MEIOB: variants seen among roughly 807,000 people sequenced by gnomAD.
The protein encoded by MEIOB is meiosis-specific with OB domain-containing protein.
A neutral mutation model predicts 53.1 loss-of-function variants in MEIOB; 50 were observed. The ratio of observed to expected loss-of-function variants is 0.94; its 90% CI spans 0.75 to 1.19. The LOEUF is 1.19. MEIOB is among the 50% of genes most tolerant of loss of function. The pLI is 0.00. For missense variants in MEIOB, 551 were observed against 550.8 expected, an observed-to-expected ratio of 1.00 and a Z score of 0.00; for synonymous variants, 192 against 182.5, an observed-to-expected ratio of 1.05 and a Z score of -0.42.
chr16:1,845,459 G>C (rs1054592875), intron 9 of MEIOB, among the ~76,000 whole-genome samples: 42 of 152,070 alleles, frequency 2.8e-4, no homozygotes, highest in African/African-American at 1.0e-3. Context: ...GGTGGAGCTT[G>C]CAGTAAACTG....
intron 2 of MEIOB, among the ~76,000 whole-genome samples, chr16:1,866,412 T>A (rs1236838235): frequency 6.6e-6 from 1 of 152,144 alleles, no homozygotes; most frequent in Admixed American, 6.6e-5. Flanking sequence ...AAGAAAAATT[T>A]TAAATGTGTT....
chr16:1,849,236 T>C (rs1226156192), intron 9 of MEIOB, among the ~76,000 whole-genome samples: 1 of 151,580 alleles, frequency 6.6e-6, no homozygotes, highest in Admixed American at 6.6e-5. Context: ...CTGGCCAACA[T>C]GGTGAAACCC....
At chr16:1,870,988 T>C (rs2982232) in intron 1 of MEIOB, among the ~76,000 whole-genome samples, 125,286 of 151,838 alleles carry the variant, frequency 0.83, 51,818 homozygotes, top group Middle Eastern at 0.9. Context: ...TTTTACCCCT[T>C]AGCATCTCTT....
At chr16:1,840,551 T>A (rs1042417389) in intron 11 of MEIOB, among the ~76,000 whole-genome samples, 20 of 143,042 alleles carry the variant, frequency 1.4e-4, no homozygotes, top group East Asian at 6.1e-4. Context: ...ATTATTATTT[T>A]TTTTTTTTTT....
At chr16:1,847,687 C>T (rs1899061766) in intron 9 of MEIOB, among the ~76,000 whole-genome samples, 1 of 151,948 alleles carries the variant, frequency 6.6e-6, no homozygotes, top group Non-Finnish European at 1.5e-5. Context: ...TTTAATATGA[C>T]CTACTGATCA....
chr16:1,838,032 T>A (rs751059643), intron 12 of MEIOB, 162 bp from the exon 13 acceptor site: 6 of 1,364,670 alleles, frequency 4.4e-6, no homozygotes. Flanking sequence ...GGTCTCACTC[T>A]GTCGCCCAAG....
At chr16:1,864,785 C>CA (rs375690095) in intron 3 of MEIOB, among the ~76,000 whole-genome samples, 1 of 151,688 alleles carries the variant, frequency 6.6e-6, no homozygotes, top group Non-Finnish European at 1.5e-5. Flanking sequence ...CTGTGCCTGG[C>CA]AAAAAACCGT....
At position 1,863,652 on chromosome 16, in the gene MEIOB, G is replaced by A. The variant is rs531148063; in HGVS notation, c.128-1536C>T. ...GCCTGCCTCAGCCTCCCAAAGTGCT[G>A]GCATGAGCCACCGTGCCTGATGAGA... On this transcript the variant is annotated intron_variant, in intron 3 of 13. Coordinates refer to ENST00000325962, the MANE Select transcript of MEIOB (RefSeq NM_001163560.3). Among the ~76,000 whole-genome samples the A allele has an allele frequency of 8.6e-5, 13 of 151,850 alleles. No homozygotes were observed. In the South Asian group the frequency reaches 2.7e-3, roughly 32 times the overall value.
At chr16:1,869,742 C>T (rs75902211) in intron 1 of MEIOB, among the ~76,000 whole-genome samples, 12,952 of 151,634 alleles carry the variant, frequency 0.085, 693 homozygotes, top group South Asian at 0.21. Flanking sequence ...TGAGCCACCA[C>T]GCCCGGCCTC....
intron 3 of MEIOB, among the ~76,000 whole-genome samples, chr16:1,864,513 A>G (rs2150823726): frequency 7.4e-6 from 1 of 134,762 alleles, no homozygotes; most frequent in African/African-American, 2.8e-5. Context: ...TTTGAGACAG[A>G]GTTTCACTCT....
At position 1,841,974 on chromosome 16, in the gene MEIOB, C is replaced by T. The variant is rs1328762786; in HGVS notation, c.881-1G>A. On this transcript the variant is annotated splice_acceptor_variant, in intron 10 of 13. Coordinates refer to ENST00000325962, the MANE Select transcript of MEIOB (RefSeq NM_001163560.3). LOFTEE classifies it high-confidence loss of function. Reference sequence around the variant, plus strand: ...GTGTAGACATCAACTATTGTACTTACTAAAAACAGAAAGAAGTATTACAGT... The same window carrying T: ...GTGTAGACATCAACTATTGTACTTATTAAAAACAGAAAGAAGTATTACAGT... 3 of 1,542,110 alleles carry T rather than the reference C, an allele frequency of 1.9e-6. No homozygotes were observed. The highest frequency in any genetic ancestry group is 1.4e-5 in the African/African-American group (1 of 72,304).
At chr16:1,855,357 G>A (rs550290867) in intron 6 of MEIOB, among the ~76,000 whole-genome samples, 23 of 152,182 alleles carry the variant, frequency 1.5e-4, no homozygotes, top group African/African-American at 3.1e-4. Flanking sequence ...GCTTGAACCC[G>A]GGAGGTGGAG....
At chr16:1,850,073 C>CT (rs1266343898) in intron 9 of MEIOB, among the ~76,000 whole-genome samples, 1 of 152,118 alleles carries the variant, frequency 6.6e-6, no homozygotes, top group African/African-American at 2.4e-5. Context: ...GCTCAAAATA[C>CT]TTTGACATTT....
chr16:1,849,784 C>T (rs932005236), intron 9 of MEIOB, among the ~76,000 whole-genome samples: 3 of 152,064 alleles, frequency 2.0e-5, no homozygotes, highest in East Asian at 1.9e-4. Context: ...TGCTGTACAA[C>T]GTAGTAGCTA....
chr16:1,837,281 C>T lies in MEIOB; in HGVS notation c.1305+503G>A, dbSNP rs75948718. On this transcript the variant is annotated intron_variant, in intron 13 of 13. Transcript: ENST00000325962. ...ACCAAATCTGTCTCCCCGCAACAACCCAAGCACTTAATTGTGCTATCTTAC... is the reference window on the plus strand; with the variant it reads ...ACCAAATCTGTCTCCCCGCAACAACTCAAGCACTTAATTGTGCTATCTTAC... 6.1e-3 allele frequency among the ~76,000 whole-genome samples: 928 copies of T among 151,888 alleles called. 13 individuals are homozygous for T. Among genetic ancestry groups the T allele is most frequent in the African/African-American group, 0.022 (907 of 41,420 alleles).
chr16:1,858,667 A>T (rs449530), intron 5 of MEIOB, among the ~76,000 whole-genome samples: 1 of 152,190 alleles, frequency 6.6e-6, no homozygotes, highest in South Asian at 2.1e-4. Flanking sequence ...GAAATAACTC[A>T]GTATGAAAGC....
chr16:1,867,445 C>T (rs1034010105), intron 2 of MEIOB, among the ~76,000 whole-genome samples: 4 of 146,788 alleles, frequency 2.7e-5, no homozygotes, highest in African/African-American at 1.0e-4. Flanking sequence ...ATTGCTACTG[C>T]TGAACAAAAT....
Position 1,862,250 on chromosome 16 carries a change from A to G in MEIOB, c.128-134T>C, listed in dbSNP as rs888548568. 17 of 675,692 alleles carry G rather than the reference A, an allele frequency of 2.5e-5. No individual in the cohort carries two copies. The African/African-American group carries it at 2.9e-4, about 12-fold the overall frequency. 41.9% of individuals were successfully genotyped at this position (675,692 alleles called of 1,614,324 possible). On this transcript the variant is annotated intron_variant, in intron 3 of 13. Transcript: ENST00000325962. ...TATTTGTTTAATCAAATAACTATTG[A>G]TTATGATAATAAAAATACTCAAATA...
intron 1 of MEIOB, among the ~76,000 whole-genome samples, chr16:1,871,775 T>C (rs1378962402): frequency 3.4e-4 from 31 of 90,276 alleles, no homozygotes; most frequent in Admixed American, 3.2e-3. Flanking sequence ...TTGGCCAACA[T>C]GGTGAAACCC....
Sources: gnomAD v4.1 joint callset for allele counts (sites outside exome capture counted in the v4.1 genomes callset) on GRCh38, gnomAD v4.1.1 for gene constraint, MANE v1.5 for transcripts, NCBI Gene and HGNC (gene_info 2026-07-23, HGNC 2026-07-21) for gene names.